Variants in NRG3 observed in about 807,000 individuals in gnomAD.
NRG3 encodes the protein pro-neuregulin-3, membrane-bound isoform.
NRG3 carries 31 observed loss-of-function variants against 66.9 expected under a neutral mutation model. The ratio of observed to expected loss-of-function variants is 0.46; its 90% CI spans 0.35 to 0.63. The LOEUF is 0.63. NRG3 is among the 20% of genes least tolerant of loss of function. The pLI, the probability that NRG3 is intolerant of heterozygous loss-of-function variation, is 0.00. For missense variants in NRG3, 910 were observed against 878.9 expected, an observed-to-expected ratio of 1.04 and a Z score of -0.45; for synonymous variants, 393 against 359.4, an observed-to-expected ratio of 1.09 and a Z score of -1.06.
chr10:82,870,699 T>G (rs1841261510), intron 4 of NRG3, among the ~76,000 whole-genome samples: 1 of 152,226 alleles, frequency 6.6e-6, no homozygotes, highest in African/African-American at 2.4e-5. Context: ...GGAGTATTTT[T>G]TCATATGCTT....
At chr10:82,439,659 A>G (rs1425414346) in intron 2 of NRG3, among the ~76,000 whole-genome samples, 1 of 152,000 alleles carries the variant, frequency 6.6e-6, no homozygotes, top group African/African-American at 2.4e-5. Context: ...ATTCTGAGTA[A>G]TTGTGAATGG....
chr10:81,977,009 C>A (rs1312874719), intron 1 of NRG3, among the ~76,000 whole-genome samples: 7 of 152,062 alleles, frequency 4.6e-5, no homozygotes, highest in African/African-American at 1.2e-4. Flanking sequence ...TTTCAGAATA[C>A]CCAGAAGTTT....
chr10:82,843,804 T>A (rs2063177395), intron 3 of NRG3, among the ~76,000 whole-genome samples: 1 of 152,132 alleles, frequency 6.6e-6, no homozygotes, highest in Admixed American at 6.5e-5. Context: ...AGCAGCGAGA[T>A]GCAAGGGAAG....
intron 4 of NRG3, among the ~76,000 whole-genome samples, chr10:82,888,158 A>G (rs1187331010): frequency 1.3e-5 from 2 of 152,212 alleles, no homozygotes; most frequent in Non-Finnish European, 2.9e-5. Context: ...GTGGAAAAGC[A>G]TAGACTGGTT....
intron 2 of NRG3, among the ~76,000 whole-genome samples, chr10:82,482,599 C>T (rs565172647): frequency 1.4e-4 from 21 of 152,192 alleles, no homozygotes; most frequent in Admixed American, 1.0e-3. Context: ...AAAGGGACCA[C>T]GGAGCTTGGT....
intron 2 of NRG3, among the ~76,000 whole-genome samples, chr10:82,550,270 T>C (rs1234537971): frequency 6.6e-6 from 1 of 152,220 alleles, no homozygotes; most frequent in Non-Finnish European, 1.5e-5. Flanking sequence ...TTTACCCCAT[T>C]GTCTACCTCC....
chr10:82,321,379 T>C (rs1408310916), intron 1 of NRG3, among the ~76,000 whole-genome samples: 1 of 152,098 alleles, frequency 6.6e-6, no homozygotes, highest in Non-Finnish European at 1.5e-5. Flanking sequence ...TCTTACAATG[T>C]ACCAAAACCT....
chr10:82,327,482 C>T (rs1031304491), intron 1 of NRG3, among the ~76,000 whole-genome samples: 1 of 152,134 alleles, frequency 6.6e-6, no homozygotes, highest in Non-Finnish European at 1.5e-5. Flanking sequence ...ACATGAATGT[C>T]CTTCACTATT....
rs79771567 is a variant in NRG3 at position 82,194,923 on chromosome 10, C to G, written c.824-163816C>G. On this transcript the variant is annotated intron_variant, in intron 1 of 8. Coordinates refer to ENST00000372141, the MANE Select transcript of NRG3 (RefSeq NM_001010848.4). ...AGTGCTTTTTCAAAGCCCTGTTCTC[C>G]TTTGAAAACTTCCTCTCTCCCTTTC... Among the ~76,000 whole-genome samples the G allele has an allele frequency of 1.2e-3, 189 of 152,186 alleles. 4 individuals are homozygous for G. In the East Asian group the frequency reaches 0.03, roughly 24 times the overall value.
chr10:82,981,314 C>G (rs574335570), intron 8 of NRG3, among the ~76,000 whole-genome samples: 91 of 152,306 alleles, frequency 6.0e-4, no homozygotes, highest in Admixed American at 5.5e-3. Context: ...CAGGTATTTT[C>G]CCATGTGTGA....
chr10:81,975,689 C>T (rs764334681), intron 1 of NRG3, among the ~76,000 whole-genome samples: 14 of 152,136 alleles, frequency 9.2e-5, no homozygotes, highest in Non-Finnish European at 1.8e-4. Context: ...AGAATCATGG[C>T]CTTCCAAAGA....
rs543230881 is a variant in NRG3, at chr10:82,523,907, G to A, written c.953+165039G>A. On this transcript the variant is annotated intron_variant, in intron 2 of 8. Transcript: ENST00000372141. Reference sequence around the variant, plus strand: ...TTCTCTGTGTTCTCATTAGTCATCCGATTTTCAGCCCTTTTCTGTTGAACC... The same window carrying A: ...TTCTCTGTGTTCTCATTAGTCATCCAATTTTCAGCCCTTTTCTGTTGAACC... 1.1e-4 allele frequency among the ~76,000 whole-genome samples: 16 copies of A among 152,150 alleles called. 1 individual carries two copies. The highest frequency in any genetic ancestry group is 1.0e-3 in the South Asian group (5 of 4,816).
chr10:82,220,465 T>C lies in NRG3; in HGVS notation c.824-138274T>C, dbSNP rs545177406. ...TCACTTTGTTATGTATGGGATGAAATTGAAATCAAGTGTATTGTGTTAGGG... is the reference window on the plus strand; with the variant it reads ...TCACTTTGTTATGTATGGGATGAAACTGAAATCAAGTGTATTGTGTTAGGG... On this transcript the variant is annotated intron_variant, in intron 1 of 8. Coordinates refer to ENST00000372141, the MANE Select transcript of NRG3 (RefSeq NM_001010848.4). Among the ~76,000 whole-genome samples the C allele has an allele frequency of 1.1e-4, 17 of 152,118 alleles. No individual in the cohort carries two copies. In the East Asian group the frequency reaches 2.1e-3, roughly 19 times the overall value.
At chr10:82,171,953 G>A (rs182083948) in intron 1 of NRG3, among the ~76,000 whole-genome samples, 4 of 152,216 alleles carry the variant, frequency 2.6e-5, no homozygotes, top group East Asian at 1.9e-4. Context: ...AATGTGCACA[G>A]CTAAAATACC....
intron 1 of NRG3, among the ~76,000 whole-genome samples, chr10:82,035,366 T>C (rs1277081678): frequency 6.6e-6 from 1 of 152,136 alleles, no homozygotes; most frequent in Non-Finnish European, 1.5e-5. Context: ...TGATTTTTTT[T>C]GCTGTTATTT....
chr10:82,106,838 A>G (rs767135431), intron 1 of NRG3, among the ~76,000 whole-genome samples: 9 of 152,124 alleles, frequency 5.9e-5, no homozygotes, highest in Non-Finnish European at 1.0e-4. Flanking sequence ...GGGATCTACA[A>G]AAATATTTCT....
intron 1 of NRG3, among the ~76,000 whole-genome samples, chr10:82,286,876 G>A (rs955033292): frequency 2.0e-5 from 3 of 152,166 alleles, no homozygotes; most frequent in African/African-American, 4.8e-5. Flanking sequence ...GTGAGCCACC[G>A]TGCCCAGTTA....
At chr10:82,818,202 G>T (rs55658458) in intron 3 of NRG3, among the ~76,000 whole-genome samples, 5,493 of 152,244 alleles carry the variant, frequency 0.036, 134 homozygotes, top group Non-Finnish European at 0.051. Flanking sequence ...GTAACGCAGC[G>T]TTGCCATGGC....
At chr10:82,736,588 C>G (rs2058165837) in intron 2 of NRG3, among the ~76,000 whole-genome samples, 1 of 152,212 alleles carries the variant, frequency 6.6e-6, no homozygotes, top group Non-Finnish European at 1.5e-5. Flanking sequence ...GAGGAAAGTA[C>G]TCACTATGCA....
Sources: allele counts gnomAD v4.1 joint callset (sites outside exome capture counted in the v4.1 genomes callset), GRCh38; gene constraint gnomAD v4.1.1; transcripts MANE v1.5; gene names NCBI Gene and HGNC (gene_info 2026-07-23, HGNC 2026-07-21).